The following LRPPRC variants were observed in gnomAD, a reference collection of about 807,000 sequenced individuals.
The protein encoded by LRPPRC is leucine-rich PPR motif-containing protein, mitochondrial.
Under a neutral mutation model 180.3 loss-of-function variants are expected in LRPPRC, and 120 were observed. The ratio of observed to expected loss-of-function variants is 0.67; its 90% CI spans 0.57 to 0.77. The LOEUF is 0.77. Among genes scored for constraint, LRPPRC ranks in the 30% least tolerant of loss-of-function variants. The pLI is 0.00. For synonymous variants in LRPPRC, 723 were observed against 600.0 expected, an observed-to-expected ratio of 1.21 and a Z score of -3.00; for missense variants, 2,012 against 1,657.2, an observed-to-expected ratio of 1.21 and a Z score of -3.72.
Position 43,957,393 on chromosome 2 carries a change from G to A in LRPPRC, c.1641C>T (p.Gly547=). 1 of 1,611,380 alleles carries A rather than the reference G, an allele frequency of 6.2e-7. No homozygotes were observed. Among genetic ancestry groups the A allele is most frequent in the South Asian group, 1.1e-5 (1 of 91,020 alleles). ...TAAGTTGATCATCTTACCTCCTGAAGCCTAGCAGTAGGCTACTTCTTATAG... is the reference window on the plus strand; with the variant it reads ...TAAGTTGATCATCTTACCTCCTGAAACCTAGCAGTAGGCTACTTCTTATAG... ...LQSIRSSLLL[G]FRRSMNINLW... is the part of the protein sequence containing the mutation. Residue 547 remains glycine (G), a synonymous_variant, in exon 14 of 38, where the codon GGC becomes GGT. Transcript: ENST00000260665.
chr2:43,981,027 AGT>A (rs1674284355), intron 2 of LRPPRC, among the ~76,000 whole-genome samples: 1 of 152,144 alleles, frequency 6.6e-6, no homozygotes, highest in Non-Finnish European at 1.5e-5. Context: ...TACACTTCTG[AGT>A]GTGTCTGAAA....
chr2:43,897,214 T>C (rs1479743389), intron 34 of LRPPRC, among the ~76,000 whole-genome samples: 1 of 152,172 alleles, frequency 6.6e-6, no homozygotes, highest in Non-Finnish European at 1.5e-5. Flanking sequence ...TCAATCTCTC[T>C]ATTTTATAAA....
chr2:43,966,970 G>T (rs1024473517), intron 11 of LRPPRC, among the ~76,000 whole-genome samples: 1 of 152,080 alleles, frequency 6.6e-6, no homozygotes, highest in Non-Finnish European at 1.5e-5. Flanking sequence ...AGAACTGCTT[G>T]AACCCAGAGG....
intron 14 of LRPPRC, among the ~76,000 whole-genome samples, chr2:43,956,515 A>T (rs1043193445): frequency 1.3e-5 from 1 of 77,834 alleles, no homozygotes; most frequent in East Asian, 2.0e-3. Flanking sequence ...GTGTGTGTGT[A>T]GGTACTTTCT....
chr2:43,906,115 C>G (rs1671059546), intron 30 of LRPPRC, among the ~76,000 whole-genome samples: 1 of 151,824 alleles, frequency 6.6e-6, no homozygotes, highest in Admixed American at 6.6e-5. Context: ...ATATCCTAAG[C>G]TGGATACTTT....
intron 29 of LRPPRC, among the ~76,000 whole-genome samples, chr2:43,915,212 TCTCTCTCTCTCTCTCTCTCTCACA>T (rs1252501890): frequency 2.0e-5 from 2 of 99,018 alleles, no homozygotes; most frequent in Non-Finnish European, 3.7e-5. Flanking sequence ...TCTCTCTCTC[TCTCTCTCTCTCTCTCTCTCTCACA>T]CACACACACA....
rs772327966 is a variant in LRPPRC, at chr2:43,918,377, C to G, written c.2918G>C (p.Arg973Thr). 12 of 1,610,804 alleles carry G rather than the reference C, an allele frequency of 7.4e-6. No individual in the cohort carries two copies. Among genetic ancestry groups the G allele is most frequent in the Non-Finnish European group, 1.0e-5 (12 of 1,177,212 alleles). ...GATTTTATTCCAGACTGCATCAGCTCTTTGCCAGTCACCGTTTATTTCTGT... is the reference window on the plus strand; with the variant it reads ...GATTTTATTCCAGACTGCATCAGCTGTTTGCCAGTCACCGTTTATTTCTGT... Reference protein sequence around the residue: ...KLYKINGDWQRADAVWNKIQE... With the variant: ...KLYKINGDWQTADAVWNKIQE... The change falls in exon 28 of 38, where the codon AGA (arginine) becomes ACA (threonine). Residue 973 changes from arginine (R) to threonine (T), a missense_variant. Coordinates refer to ENST00000260665, the MANE Select transcript of LRPPRC (RefSeq NM_133259.4).
In LRPPRC at chr2:43,963,686, C is replaced by G. The variant is rs957783084; in HGVS notation, c.1390G>C (p.Gly464Arg). The G allele has an allele frequency of 1.4e-5, 23 of 1,587,442 alleles. No individual in the cohort carries two copies. Among genetic ancestry groups the G allele is most frequent in the Non-Finnish European group, 1.7e-5 (20 of 1,156,168 alleles). Reference sequence around the variant, plus strand: ...GGATGTACTCCCAATTCTTGCATTCCTTTGAGGATTTCAATTATACCTACC... The same window carrying G: ...GGATGTACTCCCAATTCTTGCATTCGTTTGAGGATTTCAATTATACCTACC... ...NVQGIIEILKGMQELGVHPDQ... is the reference protein window; with the variant it reads ...NVQGIIEILKRMQELGVHPDQ... The change falls in exon 12 of 38, where the codon GGA (glycine) becomes CGA (arginine). Residue 464 changes from glycine to arginine, a missense_variant. Physicochemically the swap from Gly to Arg is moderately radical, Grantham distance 125. Coordinates refer to ENST00000260665, the MANE Select transcript of LRPPRC (RefSeq NM_133259.4).
At chr2:43,959,050 A>T (rs1673232587) in intron 13 of LRPPRC, 2 of 550,378 alleles carry the variant, frequency 3.6e-6, no homozygotes, top group Admixed American at 6.6e-5. Flanking sequence ...GGCTGCTGAC[A>T]AAAAGCATCT....
Position 43,911,010 on chromosome 2 carries a change from T to C in LRPPRC, c.3275+1422A>G, listed in dbSNP as rs183558516. Among the ~76,000 whole-genome samples the C allele has an allele frequency of 8.0e-4, 122 of 152,128 alleles. 1 individual carries two copies. The highest frequency in any genetic ancestry group is 2.8e-3 in the African/African-American group (117 of 41,520). On this transcript the variant is annotated intron_variant, in intron 30 of 37. Transcript: ENST00000260665. ...TCTCCTTCATTATCACAGAGAGGGT[T>C]GGGATGGAGAGTTTCATAATTTTCT...
chr2:43,958,439 T>C (rs957940392), intron 13 of LRPPRC, among the ~76,000 whole-genome samples: 4 of 152,150 alleles, frequency 2.6e-5, no homozygotes, highest in South Asian at 2.1e-4. Context: ...TAAGTGTTCA[T>C]CTCCCCAAAA....
At chr2:43,940,078 G>A (rs1189684125) in intron 23 of LRPPRC, among the ~76,000 whole-genome samples, 1 of 152,174 alleles carries the variant, frequency 6.6e-6, no homozygotes. Flanking sequence ...AGCCATGAAT[G>A]TAACTTAATT....
chr2:43,971,524 G>GT (rs1211829792), intron 11 of LRPPRC, among the ~76,000 whole-genome samples: 1 of 93,158 alleles, frequency 1.1e-5, no homozygotes, highest in Non-Finnish European at 2.2e-5. Flanking sequence ...ATATATATAT[G>GT]TTTTTTAAAA....
chr2:43,949,879 T>G (rs1358382652), intron 15 of LRPPRC, among the ~76,000 whole-genome samples: 1 of 152,236 alleles, frequency 6.6e-6, no homozygotes, highest in African/African-American at 2.4e-5. Flanking sequence ...GAAGGAAAAC[T>G]GCAATGTTTT....
chr2:43,921,740 A>G lies in LRPPRC; in HGVS notation c.2896+3327T>C, dbSNP rs189430051. Among the ~76,000 whole-genome samples the G allele has an allele frequency of 4.2e-4, 64 of 152,308 alleles. No homozygotes were observed. The East Asian group carries it at 0.011, about 27-fold the overall frequency. ...ATTGTTTGAATCTTTAGTAATCAGA[A>G]TATGTCCATTTCACTTGTGTAATAA... On this transcript the variant is annotated intron_variant, in intron 27 of 37. Coordinates refer to ENST00000260665, the MANE Select transcript of LRPPRC (RefSeq NM_133259.4).
At chr2:43,912,298 T>G in intron 30 of LRPPRC, 134 bp downstream of exon 30, 1 of 757,790 alleles carries the variant, frequency 1.3e-6, no homozygotes, top group Non-Finnish European at 2.2e-6. Context: ...GTTAACCATT[T>G]CATATGATTT....
intron 14 of LRPPRC, among the ~76,000 whole-genome samples, chr2:43,954,954 C>T (rs1430092106): frequency 6.6e-6 from 1 of 152,100 alleles, no homozygotes; most frequent in East Asian, 1.9e-4. Context: ...AGCAAAACTT[C>T]AAACACCTCT....
intron 19 of LRPPRC, 109 bp from the exon 20 acceptor site, chr2:43,947,479 A>G: frequency 1.4e-6 from 1 of 692,806 alleles, no homozygotes; most frequent in Non-Finnish European, 2.6e-6. Flanking sequence ...CCTAAATGTC[A>G]TAAATGCTAT....
intron 23 of LRPPRC, among the ~76,000 whole-genome samples, chr2:43,935,748 T>C (rs1453994312): frequency 6.6e-6 from 1 of 152,134 alleles, no homozygotes; most frequent in East Asian, 1.9e-4. Flanking sequence ...TCTCTTACCA[T>C]ACTGAAATAA....
Sources: allele counts gnomAD v4.1 joint callset (sites outside exome capture counted in the v4.1 genomes callset), GRCh38; gene constraint gnomAD v4.1.1; transcripts MANE v1.5; gene names NCBI Gene and HGNC (gene_info 2026-07-23, HGNC 2026-07-21).